MIB1: variants seen among roughly 807,000 people sequenced by gnomAD.
MIB1 encodes MIB E3 ubiquitin protein ligase 1.
A neutral mutation model predicts 124.5 loss-of-function variants in MIB1; 278 were observed. That is an observed-to-expected ratio of 2.23 (90% CI 2.02 to 2.47). MIB1 has a LOEUF of 2.47. Among genes scored for constraint, MIB1 ranks in the 30% most tolerant of loss-of-function variants. The pLI, the probability that MIB1 is intolerant of heterozygous loss-of-function variation, is 0.00. For missense variants in MIB1, 957 were observed against 1,254.4 expected (o/e 0.76, Z 3.58); for synonymous variants, 446 against 429.4 (o/e 1.04, Z -0.48).
chr18:21,736,278 C>A (rs2040796644), upstream of MIB1, among the ~76,000 whole-genome samples: 1 of 152,200 alleles, frequency 6.6e-6, no homozygotes, highest in African/African-American at 2.4e-5. Flanking sequence ...AGACCTGCAG[C>A]AGAGGTTCCT....
At chr18:21,836,767 T>A (rs906720204) in intron 12 of MIB1, among the ~76,000 whole-genome samples, 3 of 152,234 alleles carry the variant, frequency 2.0e-5, no homozygotes, top group African/African-American at 7.2e-5. Flanking sequence ...CAGAACTGTT[T>A]ACCCCTGTAA....
chr18:21,815,014 TA>T (rs1568212898), intron 10 of MIB1, among the ~76,000 whole-genome samples: 8 of 11,576 alleles, frequency 6.9e-4, no homozygotes, highest in East Asian at 3.2e-3. Context: ...GTTGGTTTTA[TA>T]TATATATATA....
rs981984509 is a variant in MIB1 at position 21,828,888 on chromosome 18, G to C, written c.1829+9242G>C. On this transcript the variant is annotated intron_variant, in intron 12 of 20. Transcript: ENST00000261537. Reference sequence around the variant, plus strand: ...AGATAACCTTTTTTTTTTGGTGTTAGTATTGCCAAAGGTCATCTGTTCATG... The same window carrying C: ...AGATAACCTTTTTTTTTTGGTGTTACTATTGCCAAAGGTCATCTGTTCATG... 12 of 326,116 alleles carry C rather than the reference G, an allele frequency of 3.7e-5. No homozygotes were observed. In the Middle Eastern group the frequency reaches 1.2e-3, roughly 33 times the overall value. 20.2% of individuals were successfully genotyped at this position (326,116 alleles called of 1,614,324 possible).
intron 1 of MIB1, among the ~76,000 whole-genome samples, chr18:21,716,113 A>C (rs888817014): frequency 5.3e-5 from 8 of 152,204 alleles, no homozygotes; most frequent in Admixed American, 2.6e-4. Flanking sequence ...GCTTTGAGGC[A>C]AAAGCACCAG....
At chr18:21,852,646 C>T (rs569989340) in intron 17 of MIB1, among the ~76,000 whole-genome samples, 1 of 152,260 alleles carries the variant, frequency 6.6e-6, no homozygotes, top group East Asian at 1.9e-4. Context: ...TGACCAAGTC[C>T]TGGAAAAGGG....
chr18:21,851,467 C>A (rs781468877), intron 17 of MIB1, among the ~76,000 whole-genome samples: 3 of 151,314 alleles, frequency 2.0e-5, no homozygotes, highest in Non-Finnish European at 4.4e-5. Flanking sequence ...ACGGATATAC[C>A]CACCCAACAG....
At chr18:21,765,198 C>T (rs1054124991) in intron 1 of MIB1, among the ~76,000 whole-genome samples, 1 of 151,994 alleles carries the variant, frequency 6.6e-6, no homozygotes, top group Non-Finnish European at 1.5e-5. Flanking sequence ...TTTCTTGTTT[C>T]CTAAGGGGAT....
chr18:21,765,872 A>C lies in MIB1; in HGVS notation c.330A>C (p.Thr110=). 6.2e-7 allele frequency: 1 copy of C among 1,614,124 alleles called. No homozygotes were observed. Among genetic ancestry groups the C allele is most frequent in the Non-Finnish European group, 8.5e-7 (1 of 1,179,944 alleles). The change falls in exon 2 of 21, where the codon ACA becomes ACC. Residue 110 remains threonine, a synonymous_variant. Transcript: ENST00000261537. The part of the protein sequence containing the change: ...CAECTNYDLC[T]VCYHGDKHHL... Reference sequence around the variant, plus strand: ...AGTGTACAAATTATGATTTGTGCACAGTGTGTTATCATGGAGATAAACATC... The same window carrying C: ...AGTGTACAAATTATGATTTGTGCACCGTGTGTTATCATGGAGATAAACATC...
chr18:21,780,420 C>G (rs1343892359), intron 6 of MIB1, among the ~76,000 whole-genome samples: 4 of 152,120 alleles, frequency 2.6e-5, no homozygotes, highest in African/African-American at 7.2e-5. Flanking sequence ...TGGTAACCAC[C>G]AATCAACTTT....
chr18:21,831,792 GA>G (rs1256369525), intron 12 of MIB1, among the ~76,000 whole-genome samples: 2 of 151,982 alleles, frequency 1.3e-5, no homozygotes, highest in African/African-American at 4.8e-5. Context: ...GCACTGCAGA[GA>G]AAAAAGGAAA....
At chr18:21,812,442 G>A (rs543845683) in intron 10 of MIB1, 1 of 152,310 alleles carries the variant, frequency 6.6e-6, no homozygotes, top group African/African-American at 2.4e-5. Context: ...GAAAGTGAAG[G>A]GAGGTTGAGT....
intron 4 of MIB1, among the ~76,000 whole-genome samples, 166 bp from the exon 5 acceptor site, chr18:21,777,937 T>C (rs1265716879): frequency 2.6e-5 from 4 of 152,236 alleles, no homozygotes; most frequent in Admixed American, 2.0e-4. Context: ...ATCAGGTTTC[T>C]AGTTTTTACA....
At chr18:21,725,328 G>A (rs1220062022) in intron 1 of MIB1, among the ~76,000 whole-genome samples, 1 of 152,118 alleles carries the variant, frequency 6.6e-6, no homozygotes, top group Non-Finnish European at 1.5e-5. Context: ...GGTCATGTTG[G>A]AAAGGAGGAA....
intron 6 of MIB1, among the ~76,000 whole-genome samples, chr18:21,783,720 C>A (rs368965068): frequency 8.6e-5 from 13 of 151,004 alleles, no homozygotes; most frequent in African/African-American, 3.2e-4. Context: ...TTTGGTAGTA[C>A]GTTTTAATGT....
chr18:21,734,105 ATT>A (rs1187958268), intron 1 of MIB1, among the ~76,000 whole-genome samples: 36 of 118,096 alleles, frequency 3.0e-4, no homozygotes, highest in East Asian at 5.1e-4. Flanking sequence ...TCTTGCTTTG[ATT>A]TTTTTTTTTT....
chr18:21,750,337 A>AT (rs925601332), intron 1 of MIB1, among the ~76,000 whole-genome samples: 49 of 149,346 alleles, frequency 3.3e-4, no homozygotes, highest in Admixed American at 3.1e-3. Context: ...TTTTATTTTT[A>AT]TTTTTTTTGA....
At chr18:21,809,861 A>T (rs1299277702) in intron 10 of MIB1, among the ~76,000 whole-genome samples, 1 of 152,126 alleles carries the variant, frequency 6.6e-6, no homozygotes, top group Non-Finnish European at 1.5e-5. Flanking sequence ...TGCTTTTACC[A>T]GTTCTATTTA....
chr18:21,851,543 A>G (rs2042180251), intron 17 of MIB1, among the ~76,000 whole-genome samples: 1 of 152,238 alleles, frequency 6.6e-6, no homozygotes, highest in Non-Finnish European at 1.5e-5. Flanking sequence ...GTTAAAGGAT[A>G]ATGAATGTCT....
At chr18:21,792,639 A>T (rs993774278) in intron 7 of MIB1, among the ~76,000 whole-genome samples, 1 of 152,244 alleles carries the variant, frequency 6.6e-6, no homozygotes, top group African/African-American at 2.4e-5. Flanking sequence ...CTCTGTTGTT[A>T]TGATGCTTTT....
Sources: gnomAD v4.1 joint callset for allele counts (sites outside exome capture counted in the v4.1 genomes callset) on GRCh38, gnomAD v4.1.1 for gene constraint, MANE v1.5 for transcripts, NCBI Gene and HGNC (gene_info 2026-07-23, HGNC 2026-07-21) for gene names.